The following RGCC variants were observed in gnomAD, a reference collection of about 807,000 sequenced individuals.
The protein encoded by RGCC is regulator of cell cycle.
In RGCC, 15 loss-of-function variants were observed where a neutral mutation model predicts 15.4. The observed-to-expected ratio is 0.97, with a 90% CI of 0.65 to 1.50. The LOEUF (loss-of-function observed/expected upper bound fraction) is 1.50. Ranked by LOEUF, RGCC falls within the 40% of genes most tolerant of loss-of-function variation. The pLI is 0.00. For missense variants in RGCC, 176 were observed against 189.7 expected, an observed-to-expected ratio of 0.93 and a Z score of 0.42; for synonymous variants, 81 against 78.0, an observed-to-expected ratio of 1.04 and a Z score of -0.20.
chr13:41,458,498 C>G lies in RGCC; in HGVS notation c.235+28C>G, dbSNP rs1047850190. 12 of 1,573,616 alleles carry G rather than the reference C, an allele frequency of 7.6e-6. No individual in the cohort carries two copies. The African/African-American group carries it at 1.5e-4, about 19-fold the overall frequency. The stretch of plus-strand genomic sequence containing the variant: ...AAGTGCGGCCCCCGCTAGGATGGCG[C>G]CGGGATCTCCCAGCTCCCAGGACCT... On this transcript the variant is annotated intron_variant, in intron 2 of 4. Transcript: ENST00000379359. The surrounding 1 kb of genome is among the most constrained non-coding windows in gnomAD (Gnocchi z 4.4).
rs1416560031 is a variant in RGCC at position 41,457,748 on chromosome 13, C to A, written c.41C>A (p.Ala14Glu). The A allele has an allele frequency of 2.9e-6, 4 of 1,398,782 alleles. No individual in the cohort carries two copies. The highest frequency in any genetic ancestry group is 1.8e-6 in the Non-Finnish European group (2 of 1,081,464). 86.6% of individuals were successfully genotyped at this position (1,398,782 alleles called of 1,614,324 possible). ...PAAQGSPAAA[A>E]AAAPALDSAA... ...GCGCAGGGCAGCCCCGCGGCCGCCGCGGCCGCAGGTGAGTGCGGGGTCCGG... is the reference window on the plus strand; with the variant it reads ...GCGCAGGGCAGCCCCGCGGCCGCCGAGGCCGCAGGTGAGTGCGGGGTCCGG... The change falls in exon 1 of 5, where the codon GCG (alanine) becomes GAG (glutamate). Residue 14 changes from alanine to glutamate, a missense_variant. Physicochemically the swap from Ala to Glu is moderately radical, Grantham distance 107 (BLOSUM62 -1). Transcript: ENST00000379359. The surrounding 1 kb of genome is among the most constrained non-coding windows in gnomAD (Gnocchi z 4.9).
chr13:41,458,177 G>T lies in RGCC; in HGVS notation c.50-108G>T. On this transcript the variant is annotated intron_variant, in intron 1 of 4. Transcript: ENST00000379359. The surrounding 1 kb of genome is among the most constrained non-coding windows in gnomAD (Gnocchi z 4.4). Reference sequence around the variant, plus strand: ...TGCGTGGCTGTCACTTGGCAGAGGCGCCAAGTGTCAGTTATCTTCGGGAAC... The same window carrying T: ...TGCGTGGCTGTCACTTGGCAGAGGCTCCAAGTGTCAGTTATCTTCGGGAAC... 2.2e-6 allele frequency: 2 copies of T among 922,800 alleles called. No individual in the cohort carries two copies. Among genetic ancestry groups the T allele is most frequent in the South Asian group, 1.7e-5 (1 of 58,482 alleles). The allele number at this position is 922,800 out of a possible 1,614,324, so 57.2% of individuals were successfully genotyped here.
rs1266921892 is a variant in RGCC, at chr13:41,458,878, G to C, written c.235+408G>C. Among the ~76,000 whole-genome samples, 1 of 152,188 alleles carries C rather than the reference G, an allele frequency of 6.6e-6. No individual in the cohort carries two copies. Among genetic ancestry groups the C allele is most frequent in the African/African-American group, 2.4e-5 (1 of 41,438 alleles). On this transcript the variant is annotated intron_variant, in intron 2 of 4. Coordinates refer to ENST00000379359, the MANE Select transcript of RGCC (RefSeq NM_014059.3). This position sits in a 1 kb window ranked among gnomAD's most constrained non-coding sequence, Gnocchi z 4.4. Reference sequence around the variant, plus strand: ...TGGGGACATGGGAGGGCGCAGAACGGAAATATTCATGAAACCAGGAAAGGT... The same window carrying C: ...TGGGGACATGGGAGGGCGCAGAACGCAAATATTCATGAAACCAGGAAAGGT...
At chr13:41,466,758 A>T in intron 2 of RGCC, 65 bp from the exon 3 acceptor site, 1 of 1,119,726 alleles carries the variant, frequency 8.9e-7, no homozygotes. Context: ...TCAATAGACT[A>T]TAAAGTGCTA....
chr13:41,467,011 C>G (rs2043852760), intron 3 of RGCC, 81 bp downstream of exon 3: 1 of 867,386 alleles, frequency 1.2e-6, no homozygotes, highest in African/African-American at 1.7e-5. Context: ...CCCTTTTATC[C>G]CTAAACAATC....
In RGCC at chr13:41,468,759, C is replaced by A; in HGVS notation, c.344-17C>A. 1.9e-6 allele frequency: 3 copies of A among 1,546,568 alleles called. No homozygotes were observed. The highest frequency in any genetic ancestry group is 1.8e-6 in the Non-Finnish European group (2 of 1,127,596). On this transcript the variant is annotated splice_polypyrimidine_tract_variant and intron_variant, in intron 3 of 4. Coordinates refer to ENST00000379359, the MANE Select transcript of RGCC (RefSeq NM_014059.3). ...TGAACTCTCTCTCTCTCTCTCTCTC[C>A]CTCTCCTGTTTCACAGCTAAATTAG...
chr13:41,460,585 G>A (rs1399876456), intron 2 of RGCC, among the ~76,000 whole-genome samples: 1 of 152,226 alleles, frequency 6.6e-6, no homozygotes, highest in Non-Finnish European at 1.5e-5. Context: ...AATGATGGCT[G>A]TTTATGAAGG....
intron 3 of RGCC, among the ~76,000 whole-genome samples, chr13:41,468,144 G>A (rs975590): frequency 0.19 from 29,048 of 152,100 alleles, 2,930 homozygotes; most frequent in Non-Finnish European, 0.24. Flanking sequence ...GCTGTCCTGG[G>A]CCCAGAAGAC....
intron 3 of RGCC, among the ~76,000 whole-genome samples, chr13:41,468,495 G>T (rs1052141927): frequency 6.6e-6 from 1 of 152,188 alleles, no homozygotes; most frequent in African/African-American, 2.4e-5. Context: ...GTTTGGAGAG[G>T]GTGGTGATGA....
chr13:41,469,396 C>T (rs754651018), intron 4 of RGCC, among the ~76,000 whole-genome samples: 5 of 151,976 alleles, frequency 3.3e-5, no homozygotes, highest in Non-Finnish European at 7.4e-5. Context: ...AGACCATGTG[C>T]GTTTCCAAAC....
chr13:41,457,829 G>A lies in RGCC; in HGVS notation c.49+73G>A, dbSNP rs759040993. 7.4e-7 allele frequency: 1 copy of A among 1,349,660 alleles called. No individual in the cohort carries two copies. The highest frequency in any genetic ancestry group is 9.5e-7 in the Non-Finnish European group (1 of 1,050,044). The allele number at this position is 1,349,660 out of a possible 1,614,324, so 83.6% of individuals were successfully genotyped here. ...GCGGGTGAGAAAGGAGGGGCCCCGT[G>A]TCGTCCCTTCACACCCCCCACCCTT... On this transcript the variant is annotated intron_variant, in intron 1 of 4. Coordinates refer to ENST00000379359, the MANE Select transcript of RGCC (RefSeq NM_014059.3). This position sits in a 1 kb window ranked among gnomAD's most constrained non-coding sequence, Gnocchi z 4.9.
intron 4 of RGCC, among the ~76,000 whole-genome samples, chr13:41,469,166 T>C (rs1017000661): frequency 1.3e-5 from 2 of 151,594 alleles, no homozygotes; most frequent in African/African-American, 4.9e-5. Context: ...GAGGCTGAGG[T>C]AGGAGAATCA....
chr13:41,470,358 C>T (rs375553044), intron 4 of RGCC, 120 bp from the exon 5 acceptor site: 24 of 980,612 alleles, frequency 2.4e-5, no homozygotes, highest in East Asian at 1.2e-4. Context: ...AGACACTCAT[C>T]GTGTGGGAAG....
chr13:41,457,847 C>A lies in RGCC; in HGVS notation c.49+91C>A. 1.5e-6 allele frequency: 2 copies of A among 1,341,788 alleles called. No homozygotes were observed. Among genetic ancestry groups the A allele is most frequent in the Non-Finnish European group, 9.6e-7 (1 of 1,044,010 alleles). The allele number at this position is 1,341,788 out of a possible 1,614,324, so 83.1% of individuals were successfully genotyped here. A position where few individuals can be genotyped will look rare whatever the true frequency, so the allele number is the denominator to read the frequency against. On this transcript the variant is annotated intron_variant, in intron 1 of 4. Transcript: ENST00000379359. The surrounding 1 kb of genome is among the most constrained non-coding windows in gnomAD (Gnocchi z 4.9). ...GCCCCGTGTCGTCCCTTCACACCCC[C>A]CACCCTTCCATCCTCCCCGGCGGGA...
intron 2 of RGCC, among the ~76,000 whole-genome samples, chr13:41,460,006 T>C (rs997325147): frequency 1.3e-5 from 2 of 152,248 alleles, no homozygotes; most frequent in Non-Finnish European, 2.9e-5. Flanking sequence ...GAATCTGTTT[T>C]CAGATGCCTT....
chr13:41,470,520 G>C lies in RGCC; in HGVS notation c.*35G>C, dbSNP rs577115992. ...TTCTGGGTCCTTTCATCATAAGGGAGAAGCTTCAGAAAGTTCCGAGGACCT... is the reference window on the plus strand; with the variant it reads ...TTCTGGGTCCTTTCATCATAAGGGACAAGCTTCAGAAAGTTCCGAGGACCT... On this transcript the variant is annotated 3_prime_UTR_variant, in exon 5 of 5. Coordinates refer to ENST00000379359, the MANE Select transcript of RGCC (RefSeq NM_014059.3). The C allele has an allele frequency of 6.2e-7, 1 of 1,610,282 alleles. No homozygotes were observed.
At chr13:41,459,648 G>A (rs1407652780) in intron 2 of RGCC, among the ~76,000 whole-genome samples, 1 of 152,246 alleles carries the variant, frequency 6.6e-6, no homozygotes, top group East Asian at 1.9e-4. Context: ...AGCTTTTGAG[G>A]TGAAAGGGGA....
Position 41,457,890 on chromosome 13 carries a change from C to A in RGCC, c.49+134C>A. 7.8e-7 allele frequency: 1 copy of A among 1,286,752 alleles called. No individual in the cohort carries two copies. The highest frequency in any genetic ancestry group is 1.0e-6 in the Non-Finnish European group (1 of 998,436). The allele number at this position is 1,286,752 out of a possible 1,614,324, so 79.7% of individuals were successfully genotyped here. A position where few individuals can be genotyped will look rare whatever the true frequency, so the allele number is the denominator to read the frequency against. On this transcript the variant is annotated intron_variant, in intron 1 of 4. Transcript: ENST00000379359. This position sits in a 1 kb window ranked among gnomAD's most constrained non-coding sequence, Gnocchi z 4.9. ...CGGCGGGAACCTGTCCCCGGTCTTC[C>A]CGCGCGGGCGGCTGCAGCCTCCTTT...
Position 41,468,406 on chromosome 13 carries a change from C to T in RGCC, c.344-370C>T, listed in dbSNP as rs560917025. Among the ~76,000 whole-genome samples the T allele has an allele frequency of 2.0e-5, 3 of 152,344 alleles. No homozygotes were observed. The East Asian group carries it at 5.8e-4, about 29-fold the overall frequency. ...ACCAGACTCCTTTTATCTTCCCTTCCTGCTCCTCACTCTCCTGCAAACATT... is the reference window on the plus strand; with the variant it reads ...ACCAGACTCCTTTTATCTTCCCTTCTTGCTCCTCACTCTCCTGCAAACATT... On this transcript the variant is annotated intron_variant, in intron 3 of 4. Transcript: ENST00000379359.
Sources: allele counts gnomAD v4.1 joint callset (sites outside exome capture counted in the v4.1 genomes callset), GRCh38; gene constraint gnomAD v4.1.1; non-coding constraint Gnocchi (gnomAD v3.1); transcripts MANE v1.5; gene names NCBI Gene and HGNC (gene_info 2026-07-23, HGNC 2026-07-21).